FMN1: variants seen among roughly 807,000 people sequenced by gnomAD.
The protein encoded by FMN1 is formin 1, also known as formin-1.
In FMN1, 110 loss-of-function variants were observed where a neutral mutation model predicts 132.4. That is an observed-to-expected ratio of 0.83 (90% CI 0.71 to 0.97). The LOEUF (loss-of-function observed/expected upper bound fraction) is 0.97. Ranked by LOEUF, FMN1 falls within the 50% of genes least tolerant of loss-of-function variation. The pLI is 0.00. For synonymous variants in FMN1, 722 were observed against 651.7 expected, an observed-to-expected ratio of 1.11 and a Z score of -1.64; for missense variants, 1,792 against 1,705.3, an observed-to-expected ratio of 1.05 and a Z score of -0.90.
intron 7 of FMN1, among the ~76,000 whole-genome samples, chr15:32,973,216 T>C (rs1274331691): frequency 6.6e-6 from 1 of 152,220 alleles, no homozygotes; most frequent in East Asian, 1.9e-4. Context: ...CACACACACA[T>C]CAACAGCTCT....
At chr15:33,179,815 G>A (rs76277378) in intron 3 of FMN1, among the ~76,000 whole-genome samples, 2,160 of 152,136 alleles carry the variant, frequency 0.014, 61 homozygotes, top group African/African-American at 0.047. Flanking sequence ...GCACATAATG[G>A]GCCCAGTTAG....
At chr15:33,068,030 TG>T in intron 5 of FMN1, 1 of 1,441,468 alleles carries the variant, frequency 6.9e-7, no homozygotes, top group Admixed American at 2.9e-5. Flanking sequence ...CAAACACACT[TG>T]GTCTCTTTCG....
intron 5 of FMN1, chr15:33,067,668 C>T (rs1421883932): frequency 1.2e-6 from 2 of 1,614,034 alleles, no homozygotes; most frequent in Non-Finnish European, 1.7e-6. Context: ...TTGCTGGAAT[C>T]ATCCTGCTGA....
At chr15:33,019,899 C>T (rs2035325572) in intron 6 of FMN1, among the ~76,000 whole-genome samples, 1 of 152,200 alleles carries the variant, frequency 6.6e-6, no homozygotes, top group South Asian at 2.1e-4. Context: ...GCTCCGGCCT[C>T]AGCCAGCCCA....
At chr15:32,858,065 A>G (rs1343731889) in intron 16 of FMN1, among the ~76,000 whole-genome samples, 2 of 152,240 alleles carry the variant, frequency 1.3e-5, no homozygotes, top group Non-Finnish European at 2.9e-5. Context: ...CCATAAAGAT[A>G]TCATGCCACC....
At chr15:33,093,843 T>C (rs2038986692) in intron 4 of FMN1, among the ~76,000 whole-genome samples, 1 of 152,236 alleles carries the variant, frequency 6.6e-6, no homozygotes, top group Non-Finnish European at 1.5e-5. Context: ...GCAACTGCAA[T>C]GTAGTTTGCA....
chr15:32,836,771 C>T (rs559274593), intron 17 of FMN1, among the ~76,000 whole-genome samples: 1 of 152,068 alleles, frequency 6.6e-6, no homozygotes, highest in Admixed American at 6.5e-5. Context: ...TGTTAAATAA[C>T]ATAGTTTCCA....
At chr15:32,875,357 G>A (rs973203947) in intron 16 of FMN1, among the ~76,000 whole-genome samples, 8 of 151,694 alleles carry the variant, frequency 5.3e-5, no homozygotes, top group Non-Finnish European at 1.0e-4. Context: ...AAAACTATGG[G>A]ACACCTATGT....
intron 17 of FMN1, among the ~76,000 whole-genome samples, chr15:32,817,125 C>T (rs529578669): frequency 4.6e-5 from 7 of 152,186 alleles, no homozygotes; most frequent in Non-Finnish European, 8.8e-5. Flanking sequence ...AAACCTCTGA[C>T]ATCTGTGTAG....
chr15:32,814,468 T>C (rs2057989330), intron 17 of FMN1, among the ~76,000 whole-genome samples: 1 of 152,220 alleles, frequency 6.6e-6, no homozygotes, highest in Non-Finnish European at 1.5e-5. Flanking sequence ...TCAGGTGTCA[T>C]GTAGGGAAAC....
At chr15:33,077,767 A>C (rs1165647917) in intron 5 of FMN1, among the ~76,000 whole-genome samples, 1 of 149,178 alleles carries the variant, frequency 6.7e-6, no homozygotes, top group African/African-American at 2.5e-5. Context: ...AATATCCAGA[A>C]TCTACAAAGA....
chr15:33,160,225 T>G (rs1964834456), intron 3 of FMN1, among the ~76,000 whole-genome samples: 1 of 152,056 alleles, frequency 6.6e-6, no homozygotes. Context: ...GGGCCTAGGC[T>G]GGCCACTGGG....
chr15:32,831,234 T>C (rs1483610414), intron 17 of FMN1, among the ~76,000 whole-genome samples: 1 of 152,160 alleles, frequency 6.6e-6, no homozygotes, highest in Non-Finnish European at 1.5e-5. Context: ...ACTTTTTTTT[T>C]TTGAGACAGG....
intron 6 of FMN1, among the ~76,000 whole-genome samples, chr15:33,019,729 G>GC (rs1411866098): frequency 2.0e-4 from 30 of 152,336 alleles, no homozygotes; most frequent in Admixed American, 1.8e-3. Flanking sequence ...TGAGTGCTAA[G>GC]CCCCTCACTG....
At chr15:32,835,193 C>T (rs867325671) in intron 17 of FMN1, among the ~76,000 whole-genome samples, 17 of 152,242 alleles carry the variant, frequency 1.1e-4, no homozygotes, top group Admixed American at 7.8e-4. Flanking sequence ...AGCTGGGATA[C>T]GTGTCAGGCC....
intron 5 of FMN1, among the ~76,000 whole-genome samples, chr15:33,075,553 T>C (rs1402409912): frequency 6.6e-6 from 1 of 152,192 alleles, no homozygotes; most frequent in Admixed American, 6.5e-5. Context: ...TCTGTGTCAC[T>C]TGAGAAGAGA....
At chr15:32,856,985 C>T (rs541502365) in intron 17 of FMN1, 30 bp downstream of exon 17, 122 of 1,485,440 alleles carry the variant, frequency 8.2e-5, no homozygotes, top group South Asian at 1.6e-4. Flanking sequence ...TTCAGGGCCA[C>T]GTGTATGTGC....
intron 16 of FMN1, among the ~76,000 whole-genome samples, chr15:32,868,643 TAC>T (rs2059447432): frequency 6.6e-6 from 1 of 152,170 alleles, no homozygotes; most frequent in Admixed American, 6.5e-5. Context: ...ATTTGTATAA[TAC>T]ATGTAGATGG....
At chr15:33,043,751 G>A (rs906331921) in intron 6 of FMN1, among the ~76,000 whole-genome samples, 3 of 152,216 alleles carry the variant, frequency 2.0e-5, no homozygotes, top group African/African-American at 4.8e-5. Flanking sequence ...GCTCCATGCA[G>A]CCAGTGGGAG....
Sources: gnomAD v4.1 joint callset for allele counts (sites outside exome capture counted in the v4.1 genomes callset) on GRCh38, gnomAD v4.1.1 for gene constraint, MANE v1.5 for transcripts, NCBI Gene and HGNC (gene_info 2026-07-23, HGNC 2026-07-21) for gene names.